Variants in CDH5 observed in about 807,000 individuals in gnomAD.
CDH5 encodes the protein cadherin 5.
A neutral mutation model predicts 62.0 loss-of-function variants in CDH5; 28 were observed. The observed-to-expected ratio is 0.45, with a 90% CI of 0.33 to 0.62. The LOEUF (loss-of-function observed/expected upper bound fraction) is 0.62, where lower values mean the gene tolerates loss of function less well. Ranked by LOEUF, CDH5 falls within the 20% of genes least tolerant of loss-of-function variation. The pLI is 0.02. For synonymous variants in CDH5, 464 were observed against 445.8 expected (o/e 1.04, Z -0.52); for missense variants, 940 against 1,065.1 (o/e 0.88, Z 1.63).
intron 1 of CDH5, chr16:66,377,335 G>T (rs983072098): frequency 6.6e-6 from 1 of 152,324 alleles, no homozygotes; most frequent in East Asian, 1.9e-4. Flanking sequence ...AGGCCCAGAG[G>T]GGTCAGGGCC....
Position 66,404,540 on chromosome 16 carries a change from T to C in CDH5, c.*1371T>C, listed in dbSNP as rs113926758. On this transcript the variant is annotated 3_prime_UTR_variant, in exon 12 of 12. Transcript: ENST00000341529. ...CTTATAATGATTTTTTTACTAATGA[T>C]ACTTACAAGTTTCTAGCTCTCACAG... 2 of 152,430 alleles carry C rather than the reference T, an allele frequency of 1.3e-5. No homozygotes were observed. Among genetic ancestry groups the C allele is most frequent in the African/African-American group, 4.8e-5 (2 of 41,590 alleles). The allele number at this position is 152,430 out of a possible 1,614,324, so 9.4% of individuals were successfully genotyped here.
Position 66,402,656 on chromosome 16 carries a change from C to G in CDH5, c.1842C>G (p.Ile614Met), listed in dbSNP as rs372251229. The change falls in exon 12 of 12, where the codon ATC becomes ATG. Residue 614 changes from isoleucine (I) to methionine (M), a missense_variant. Transcript: ENST00000341529. ...ILLCILTITV[I>M]TLLIFLRRRL... ...TGCTCGGCTCCCTGGCTGCAGTGATCACCCTGCTCATCTTCCTGCGGCGGC... is the reference window on the plus strand; with the variant it reads ...TGCTCGGCTCCCTGGCTGCAGTGATGACCCTGCTCATCTTCCTGCGGCGGC... 1.9e-6 allele frequency: 3 copies of G among 1,586,824 alleles called. No individual in the cohort carries two copies. The highest frequency in any genetic ancestry group is 2.6e-6 in the Non-Finnish European group (3 of 1,168,512).
intron 2 of CDH5, among the ~76,000 whole-genome samples, chr16:66,381,250 T>C (rs72786451): frequency 0.11 from 17,462 of 152,206 alleles, 1,137 homozygotes; most frequent in Middle Eastern, 0.22. Flanking sequence ...CCACAACACC[T>C]GTAATGAGGT....
chr16:66,366,792 A>G (rs1347742248), intron 1 of CDH5, 34 bp downstream of exon 1: 1 of 152,252 alleles, frequency 6.6e-6, no homozygotes, highest in Non-Finnish European at 1.5e-5. Flanking sequence ...CCTCCACCCC[A>G]AACCCGCCAC....
chr16:66,380,486 T>C (rs1280432653), intron 2 of CDH5, among the ~76,000 whole-genome samples: 1 of 150,396 alleles, frequency 6.6e-6, no homozygotes, highest in African/African-American at 2.5e-5. Context: ...GTGATGGTGG[T>C]GATCACGATG....
At chr16:66,392,426 C>T (rs775513348) in intron 7 of CDH5, 43 bp downstream of exon 7, 7 of 1,607,454 alleles carry the variant, frequency 4.4e-6, no homozygotes, top group Non-Finnish European at 6.0e-6. Flanking sequence ...GACAATCCGG[C>T]CTGGATGTTC....
chr16:66,396,116 G>A lies in CDH5; in HGVS notation c.1275G>A (p.Gly425=). ...AGTTCTTCCGAGTCACAAAAAAGGGGGACATTTACAATGAGAAAGAACTGG... is the reference window on the plus strand; with the variant it reads ...AGTTCTTCCGAGTCACAAAAAAGGGAGACATTTACAATGAGAAAGAACTGG... The part of the protein sequence containing the change: ...KGQFFRVTKK[G]DIYNEKELDR... The change falls in exon 8 of 12, where the codon GGG becomes GGA. Residue 425 remains glycine (G), a synonymous_variant. Coordinates refer to ENST00000341529, the MANE Select transcript of CDH5 (RefSeq NM_001795.5). 1 of 1,614,082 alleles carries A rather than the reference G, an allele frequency of 6.2e-7. No homozygotes were observed. Among genetic ancestry groups the A allele is most frequent in the Non-Finnish European group, 8.5e-7 (1 of 1,179,964 alleles).
intron 1 of CDH5, among the ~76,000 whole-genome samples, chr16:66,376,110 TAATAAATA>T (rs147053264): frequency 0.49 from 73,316 of 150,654 alleles, 19,915 homozygotes; most frequent in African/African-American, 0.72. Flanking sequence ...AAGGAAAAAA[TAATAAATA>T]AATAAATAAA....
chr16:66,370,023 AG>A (rs1178569115), intron 1 of CDH5, among the ~76,000 whole-genome samples: 1 of 151,942 alleles, frequency 6.6e-6, no homozygotes. Context: ...TTTTTGAGAC[AG>A]AGTTTTGCTC....
At position 66,366,765 on chromosome 16, in the gene CDH5, G is replaced by T. The variant is rs1382131249; in HGVS notation, c.-20+7G>T. ...CCCTCAGCCCACAGGCACGGTGAGT[G>T]GGGGCTCCCACACTCCCCTCCACCC... On this transcript the variant is annotated splice_region_variant and intron_variant, in intron 1 of 11. Transcript: ENST00000341529. The T allele has an allele frequency of 6.6e-6, 1 of 152,362 alleles. No homozygotes were observed. Among genetic ancestry groups the T allele is most frequent in the Admixed American group, 6.5e-5 (1 of 15,290 alleles). The allele number at this position is 152,362 out of a possible 1,614,324, so 9.4% of individuals were successfully genotyped here.
intron 1 of CDH5, among the ~76,000 whole-genome samples, chr16:66,376,186 T>A (rs749933103): frequency 5.9e-5 from 9 of 152,200 alleles, no homozygotes; most frequent in Non-Finnish European, 1.0e-4. Context: ...TTTTATAAAG[T>A]TGGTCTACAC....
intron 1 of CDH5, 145 bp from the exon 2 acceptor site, chr16:66,379,174 G>A (rs1960837998): frequency 1.5e-6 from 1 of 664,148 alleles, no homozygotes; most frequent in Non-Finnish European, 2.6e-6. Context: ...CCTGAAAGGG[G>A]GAACAATAAT....
rs1198291959 is a variant in CDH5 at position 66,402,882 on chromosome 16, A to G, written c.2068A>G (p.Lys690Glu). ...ARPSLYAQVQ[K>E]PPRHAPGAHG... ...GCCTTCCCTCTATGCGCAGGTGCAG[A>G]AGCCACCGAGGCACGCGCCTGGGGC... Residue 690 changes from lysine (K) to glutamate (E), a missense_variant, in exon 12 of 12, where the codon AAG becomes GAG. Lys to Glu is a moderately conservative substitution (Grantham distance 56). Transcript: ENST00000341529. The G allele has an allele frequency of 1.2e-5, 20 of 1,609,768 alleles. No homozygotes were observed. In the East Asian group the frequency reaches 4.5e-4, roughly 36 times the overall value.
intron 8 of CDH5, among the ~76,000 whole-genome samples, chr16:66,397,056 T>C (rs747016208): frequency 3.3e-5 from 5 of 152,196 alleles, no homozygotes; most frequent in Non-Finnish European, 5.9e-5. Flanking sequence ...CTCCCACCAA[T>C]GCCACCATGC....
Position 66,402,720 on chromosome 16 carries a change from C to T in CDH5, c.1906C>T (p.Pro636Ser). The T allele has an allele frequency of 6.2e-7, 1 of 1,609,760 alleles. No individual in the cohort carries two copies. The highest frequency in any genetic ancestry group is 2.2e-5 in the East Asian group (1 of 44,742). ...KQARAHGKSVPEIHEQLVTYD... is the reference protein window; with the variant it reads ...KQARAHGKSVSEIHEQLVTYD... ...GGCCCGCGCGCACGGCAAGAGCGTG[C>T]CGGAGATCCACGAGCAGCTGGTCAC... is the stretch of plus-strand genomic sequence containing the variant. The change falls in exon 12 of 12, where the codon CCG becomes TCG. Residue 636 changes from proline (P) to serine (S), a missense_variant. Transcript: ENST00000341529.
chr16:66,370,534 A>G (rs972721041), intron 1 of CDH5, among the ~76,000 whole-genome samples: 4 of 152,158 alleles, frequency 2.6e-5, no homozygotes, highest in Non-Finnish European at 5.9e-5. Context: ...GGAGTGGGTG[A>G]CAAGACCAGA....
At chr16:66,396,856 C>T (rs1290335735) in intron 8 of CDH5, among the ~76,000 whole-genome samples, 1 of 152,298 alleles carries the variant, frequency 6.6e-6, no homozygotes, top group East Asian at 1.9e-4. Context: ...GCCAAGGATC[C>T]CTGGCGCCTG....
intron 2 of CDH5, among the ~76,000 whole-genome samples, chr16:66,385,919 C>A (rs573481157): frequency 2.2e-4 from 33 of 152,326 alleles, no homozygotes; most frequent in African/African-American, 7.9e-4. Flanking sequence ...CTGATACAAT[C>A]CAGCGCCAGC....
intron 7 of CDH5, among the ~76,000 whole-genome samples, chr16:66,394,201 T>G (rs1372652410): frequency 6.6e-6 from 1 of 152,234 alleles, no homozygotes; most frequent in Non-Finnish European, 1.5e-5. Flanking sequence ...GGTTTGTAAC[T>G]TTCATCCAAA....
Sources: allele counts gnomAD v4.1 joint callset (sites outside exome capture counted in the v4.1 genomes callset), GRCh38; gene constraint gnomAD v4.1.1; transcripts MANE v1.5; gene names NCBI Gene and HGNC (gene_info 2026-07-23, HGNC 2026-07-21).